Variants in PDS5B observed in about 807,000 individuals in gnomAD.
PDS5B encodes the protein sister chromatid cohesion protein PDS5 homolog B.
In PDS5B, 51 loss-of-function variants were observed where a neutral mutation model predicts 184.1. The ratio of observed to expected loss-of-function variants is 0.28; its 90% CI spans 0.22 to 0.35. The LOEUF is 0.35. Ranked by LOEUF, PDS5B falls within the 10% of genes least tolerant of loss-of-function variation. The pLI is 1.00. For synonymous variants in PDS5B, 566 were observed against 569.2 expected (o/e 0.99, Z 0.08); for missense variants, 1,180 against 1,723.3 (o/e 0.68, Z 5.58).
chr13:32,605,880 G>T (rs1481305331), intron 1 of PDS5B, among the ~76,000 whole-genome samples: 1 of 149,174 alleles, frequency 6.7e-6, no homozygotes, highest in African/African-American at 2.5e-5. Context: ...TCAGAGACTA[G>T]GATTGCAACC....
chr13:32,683,021 C>CTT (rs111784847), intron 10 of PDS5B, among the ~76,000 whole-genome samples: 1 of 146,690 alleles, frequency 6.8e-6, no homozygotes, highest in African/African-American at 2.5e-5. Context: ...AAAAAACTTT[C>CTT]TTTTTTTTTT....
intron 1 of PDS5B, among the ~76,000 whole-genome samples, chr13:32,639,560 A>T (rs1034275329): frequency 6.6e-6 from 1 of 152,232 alleles, no homozygotes; most frequent in Admixed American, 6.5e-5. Context: ...TTGTATGCTT[A>T]GGGGAGAATA....
chr13:32,699,849 A>C lies in PDS5B; in HGVS notation c.1720A>C (p.Lys574Gln). The C allele has an allele frequency of 6.4e-7, 1 of 1,571,846 alleles. No individual in the cohort carries two copies. The highest frequency in any genetic ancestry group is 8.6e-7 in the Non-Finnish European group (1 of 1,163,908). Reference sequence around the variant, plus strand: ...ACTTGTTAGTCCAACATGCTCCTGCAAGCAGGCTGAAGGTTGTGTGGTAAG... The same window carrying C: ...ACTTGTTAGTCCAACATGCTCCTGCCAGCAGGCTGAAGGTTGTGTGGTAAG... ...EVLVSPTCSC[K>Q]QAEGCVREIT... is the part of the protein sequence containing the mutation. Residue 574 changes from lysine (K) to glutamine (Q), a missense_variant, in exon 16 of 35, where the codon AAG becomes CAG. By Grantham distance (53) the Lys-to-Gln change is moderately conservative. Coordinates refer to ENST00000315596, the MANE Select transcript of PDS5B (RefSeq NM_015032.4).
chr13:32,720,674 T>G (rs1029734168), intron 19 of PDS5B, among the ~76,000 whole-genome samples: 48 of 152,184 alleles, frequency 3.2e-4, no homozygotes, highest in African/African-American at 1.2e-3. Context: ...TTGATCATTC[T>G]TGGGTGTTTC....
rs1006013023 is a variant in PDS5B, at chr13:32,630,910, G to C, written c.-19-17844G>C. On this transcript the variant is annotated intron_variant, in intron 1 of 34. Coordinates refer to ENST00000315596, the MANE Select transcript of PDS5B (RefSeq NM_015032.4). The stretch of plus-strand genomic sequence containing the variant: ...AGTCATTCTCCTGCCTCAGCCTCCC[G>C]AGTAGCTGAGATTACAGGCATGCAC... Among the ~76,000 whole-genome samples the C allele has an allele frequency of 3.3e-5, 5 of 150,806 alleles. No homozygotes were observed. In the East Asian group the frequency reaches 9.8e-4, roughly 30 times the overall value.
intron 6 of PDS5B, among the ~76,000 whole-genome samples, chr13:32,665,828 A>G (rs892263962): frequency 6.6e-6 from 1 of 152,158 alleles, no homozygotes; most frequent in Non-Finnish European, 1.5e-5. Flanking sequence ...TATTCCAGCC[A>G]TAAAAAAATG....
chr13:32,739,258 C>A (rs1382300151), intron 21 of PDS5B, among the ~76,000 whole-genome samples: 1 of 151,936 alleles, frequency 6.6e-6, no homozygotes, highest in South Asian at 2.1e-4. Flanking sequence ...AAATATCTTA[C>A]CATCTCCTGG....
At position 32,716,357 on chromosome 13, in the gene PDS5B, C is replaced by T. The variant is rs530311991; in HGVS notation, c.2123+6251C>T. On this transcript the variant is annotated intron_variant, in intron 19 of 34. Coordinates refer to ENST00000315596, the MANE Select transcript of PDS5B (RefSeq NM_015032.4). ...GAGCGCCCCTGCCCGGCTGCGACCCCGTCTGGGAGGTGAGGAGTGTCTCTG... is the reference window on the plus strand; with the variant it reads ...GAGCGCCCCTGCCCGGCTGCGACCCTGTCTGGGAGGTGAGGAGTGTCTCTG... Among the ~76,000 whole-genome samples the T allele has an allele frequency of 2.7e-4, 41 of 152,184 alleles. No homozygotes were observed. In the South Asian group the frequency reaches 3.9e-3, roughly 15 times the overall value.
intron 11 of PDS5B, 28 bp downstream of exon 11, chr13:32,684,051 A>C (rs1951320623): frequency 8.4e-7 from 1 of 1,190,674 alleles, no homozygotes; most frequent in Non-Finnish European, 1.2e-6. Context: ...ATTATTACTA[A>C]GTTTTCATTT....
chr13:32,770,074 T>TA, intron 31 of PDS5B, 47 bp from the exon 32 acceptor site: 1 of 1,515,456 alleles, frequency 6.6e-7, no homozygotes, highest in Non-Finnish European at 8.9e-7. Flanking sequence ...AAAATATGTA[T>TA]ACTCACAATT....
At chr13:32,763,287 TA>T in intron 30 of PDS5B, among the ~76,000 whole-genome samples, 1 of 152,092 alleles carries the variant, frequency 6.6e-6, no homozygotes, top group South Asian at 2.1e-4. Flanking sequence ...TTGTGGTTTT[TA>T]AAAAAAATTG....
chr13:32,614,245 C>G (rs538878282), intron 1 of PDS5B, among the ~76,000 whole-genome samples: 2 of 151,560 alleles, frequency 1.3e-5, no homozygotes, highest in East Asian at 3.9e-4. Context: ...TTAGGATGAG[C>G]TTATCCGTTT....
At chr13:32,709,362 C>T (rs143013581) in intron 18 of PDS5B, among the ~76,000 whole-genome samples, 1,997 of 151,958 alleles carry the variant, frequency 0.013, 29 homozygotes, top group South Asian at 0.063. Context: ...TCAGTTTTCC[C>T]AGGACTATTT....
At chr13:32,720,419 A>G (rs1400436001) in intron 19 of PDS5B, among the ~76,000 whole-genome samples, 3 of 152,108 alleles carry the variant, frequency 2.0e-5, no homozygotes, top group African/African-American at 4.8e-5. Flanking sequence ...CCCAGAGATA[A>G]TTAGAAAAGA....
At chr13:32,738,017 T>G (rs138820196) in intron 21 of PDS5B, among the ~76,000 whole-genome samples, 1 of 152,336 alleles carries the variant, frequency 6.6e-6, no homozygotes, top group African/African-American at 2.4e-5. Context: ...TCACTCCACA[T>G]TTGTTTCTAA....
chr13:32,692,801 C>T (rs564712482), intron 13 of PDS5B, among the ~76,000 whole-genome samples: 1 of 151,894 alleles, frequency 6.6e-6, no homozygotes. Context: ...TAAACAGGCA[C>T]AGATTGCCTT....
rs1177251327 is a variant in PDS5B at position 32,655,359 on chromosome 13, C to CATATATATATATATATATATATATAT, written c.313-2864_313-2863insATATATATATATATATATATATATAT. On this transcript the variant is annotated intron_variant, in intron 3 of 34. Coordinates refer to ENST00000315596, the MANE Select transcript of PDS5B (RefSeq NM_015032.4). ...AAAAGTATCTCTTCATGTTCTTTGCCATATATATATATATATTTTTTTTTT... is the reference window on the plus strand; with the variant it reads ...AAAAGTATCTCTTCATGTTCTTTGCCATATATATATATATATATATATATATATATATATATATATATTTTTTTTTT... Among the ~76,000 whole-genome samples, 54 of 39,582 alleles carry CATATATATATATATATATATATATAT rather than the reference C, an allele frequency of 1.4e-3. 1 individual carries two copies. Among genetic ancestry groups the CATATATATATATATATATATATATAT allele is most frequent in the South Asian group, 3.4e-3 (2 of 580 alleles). The allele number at this position is 39,582 out of a possible 152,430, so 26.0% of individuals were successfully genotyped here. A position where few individuals can be genotyped will look rare whatever the true frequency, so the allele number is the denominator to read the frequency against.
chr13:32,684,642 T>C (rs1951335944), intron 11 of PDS5B, among the ~76,000 whole-genome samples: 1 of 152,208 alleles, frequency 6.6e-6, no homozygotes, highest in African/African-American at 2.4e-5. Context: ...GGAAATACTT[T>C]AATGAATGTT....
In PDS5B at chr13:32,735,338, A is replaced by C. The variant is rs767758739; in HGVS notation, c.2406+8A>C. The C allele has an allele frequency of 1.3e-6, 2 of 1,590,480 alleles. No individual in the cohort carries two copies. Among genetic ancestry groups the C allele is most frequent in the South Asian group, 2.3e-5 (2 of 87,360 alleles). ...CTTCTCATGAATGATCGGGTAATTT[A>C]TATTTTTTAGATTCATGTTCTTTGT... On this transcript the variant is annotated splice_region_variant and intron_variant, in intron 21 of 34. Coordinates refer to ENST00000315596, the MANE Select transcript of PDS5B (RefSeq NM_015032.4).
Sources: gnomAD v4.1 joint callset for allele counts (sites outside exome capture counted in the v4.1 genomes callset) on GRCh38, gnomAD v4.1.1 for gene constraint, MANE v1.5 for transcripts, NCBI Gene and HGNC (gene_info 2026-07-23, HGNC 2026-07-21) for gene names.